MTCL2: variants seen among roughly 807,000 people sequenced by gnomAD.
MTCL2 encodes the protein microtubule cross-linking factor 2.
At chr20:36,785,344 A>G in the MTCL2 span, 1 of 985,116 alleles carries the variant, frequency 1.0e-6, no homozygotes, top group Non-Finnish European at 1.2e-6. Context: ...CCAATAAATT[A>G]CCTTAGGGAC....
the MTCL2 span, among the ~76,000 whole-genome samples, chr20:36,862,349 C>T: frequency 6.6e-6 from 1 of 152,232 alleles, no homozygotes; most frequent in South Asian, 2.1e-4. Flanking sequence ...CCATCCCTTC[C>T]CTGGCTACCC....
At chr20:36,835,662 G>A in the MTCL2 span, among the ~76,000 whole-genome samples, 2 of 152,154 alleles carry the variant, frequency 1.3e-5, no homozygotes, top group African/African-American at 4.8e-5. Context: ...TCAGGGTGGT[G>A]GCCAGAGGTG....
the MTCL2 span, chr20:36,786,314 C>T: frequency 1.3e-5 from 17 of 1,311,368 alleles, no homozygotes; most frequent in Middle Eastern, 6.0e-4. Flanking sequence ...GCAGGAGACC[C>T]GGCTTTACCT....
At chr20:36,800,823 A>T in the MTCL2 span, among the ~76,000 whole-genome samples, 1 of 152,212 alleles carries the variant, frequency 6.6e-6, no homozygotes, top group Admixed American at 6.5e-5. Context: ...ACTGGCAAAG[A>T]TAAAGCAAAA....
At chr20:36,859,791 T>C in the MTCL2 span, 2 of 1,231,642 alleles carry the variant, frequency 1.6e-6, no homozygotes, top group Non-Finnish European at 2.0e-6. Context: ...GCAGGGGACA[T>C]ACTGGGGATT....
chr20:36,809,105 C>T, the MTCL2 span, among the ~76,000 whole-genome samples: 1 of 152,134 alleles, frequency 6.6e-6, no homozygotes, highest in Non-Finnish European at 1.5e-5. Context: ...AAGGGCGTGC[C>T]AGGGTTGAGG....
At chr20:36,784,633 A>G in the MTCL2 span, 1 of 985,342 alleles carries the variant, frequency 1.0e-6, no homozygotes, top group African/African-American at 1.7e-5. Flanking sequence ...AAAGGGGTTC[A>G]CCGGCACCAA....
At chr20:36,809,723 G>A in the MTCL2 span, among the ~76,000 whole-genome samples, 2 of 151,976 alleles carry the variant, frequency 1.3e-5, no homozygotes, top group Non-Finnish European at 2.9e-5. Flanking sequence ...TTACAGGCGT[G>A]CTAGTGCACG....
the MTCL2 span, chr20:36,859,575 T>A: frequency 2.4e-6 from 3 of 1,229,356 alleles, no homozygotes; most frequent in Non-Finnish European, 3.0e-6. Flanking sequence ...GCTCACTACC[T>A]TCTCTGTAGA....
chr20:36,845,956 G>A, the MTCL2 span, among the ~76,000 whole-genome samples: 3 of 152,248 alleles, frequency 2.0e-5, no homozygotes, highest in South Asian at 6.2e-4. Flanking sequence ...GTGTGGAAGT[G>A]GGGAGGGAGA....
At chr20:36,852,212 C>T in the MTCL2 span, among the ~76,000 whole-genome samples, 2 of 152,100 alleles carry the variant, frequency 1.3e-5, no homozygotes, top group African/African-American at 2.4e-5. Flanking sequence ...CCCGCCTGCT[C>T]CCATACTGCC....
chr20:36,781,336 GA>G, the MTCL2 span: 1 of 152,014 alleles, frequency 6.6e-6, no homozygotes, highest in Non-Finnish European at 1.5e-5. Context: ...AGGAGTTCAA[GA>G]CCAGCCTGGC....
At chr20:36,810,717 C>CTCTCTCTCTCTCTCTCTCTCTCTCTCTCT in the MTCL2 span, among the ~76,000 whole-genome samples, 1 of 94,192 alleles carries the variant, frequency 1.1e-5, no homozygotes, top group Non-Finnish European at 2.1e-5. Context: ...TCTCTCTCTC[C>CTCTCTCTCTCTCTCTCTCTCTCTCTCTCT]CTCTCTCTCT....
the MTCL2 span, chr20:36,794,445 CCTT>C: frequency 6.2e-7 from 1 of 1,614,040 alleles, no homozygotes; most frequent in African/African-American, 1.3e-5. This position sits in a 1 kb window ranked among gnomAD's most constrained non-coding sequence, Gnocchi z 5.4. Flanking sequence ...CCAGGCTTCT[CCTT>C]GGTGTCTTTC....
chr20:36,843,635 G>C, the MTCL2 span, among the ~76,000 whole-genome samples: 1 of 152,236 alleles, frequency 6.6e-6, no homozygotes, highest in African/African-American at 2.4e-5. Context: ...CGGTAGGCTA[G>C]GCCAGCCTCC....
the MTCL2 span, among the ~76,000 whole-genome samples, chr20:36,850,526 A>C: frequency 1.3e-5 from 2 of 149,380 alleles, no homozygotes; most frequent in Non-Finnish European, 3.0e-5. Context: ...ACTGTGTTTG[A>C]CCAAAAAAAA....
At chr20:36,847,981 A>G in the MTCL2 span, among the ~76,000 whole-genome samples, 6 of 152,090 alleles carry the variant, frequency 3.9e-5, no homozygotes, top group East Asian at 3.9e-4. Flanking sequence ...CTCCGTCTCT[A>G]CAAAAAAATA....
At chr20:36,794,078 A>C in the MTCL2 span, 1 of 1,551,286 alleles carries the variant, frequency 6.4e-7, no homozygotes, top group East Asian at 2.4e-5. The surrounding 1 kb of genome is among the most constrained non-coding windows in gnomAD (Gnocchi z 5.4). Context: ...TGACATCTCA[A>C]AGTCATGCAG....
At chr20:36,797,675 G>A in the MTCL2 span, 1 of 1,102,896 alleles carries the variant, frequency 9.1e-7, no homozygotes, top group Non-Finnish European at 1.3e-6. Context: ...GCAGCCCACA[G>A]AACCTACATC....
Sources: gnomAD v4.1 joint callset for allele counts (sites outside exome capture counted in the v4.1 genomes callset) on GRCh38, gnomAD v4.1.1 for gene constraint, Gnocchi (gnomAD v3.1) non-coding constraint, MANE v1.5 for transcripts, NCBI Gene and HGNC (gene_info 2026-07-23, HGNC 2026-07-21) for gene names.